The following TMEM132D variants were observed in gnomAD, a reference collection of about 807,000 sequenced individuals.
TMEM132D encodes the protein mature OL transmembrane protein.
A neutral mutation model predicts 62.3 loss-of-function variants in TMEM132D; 21 were observed. The observed-to-expected ratio is 0.34, with a 90% confidence interval of 0.24 to 0.49. The LOEUF is 0.49. Among genes scored for constraint, TMEM132D ranks in the 20% least tolerant of loss-of-function variants. TMEM132D has a pLI of 0.99. For synonymous variants in TMEM132D, 621 were observed against 575.6 expected, an observed-to-expected ratio of 1.08 and a Z score of -1.13; for missense variants, 1,346 against 1,402.8, an observed-to-expected ratio of 0.96 and a Z score of 0.65.
rs990658380 is a variant in TMEM132D at position 129,732,028 on chromosome 12, C to T, written c.80-31330G>A. Among the ~76,000 whole-genome samples the T allele has an allele frequency of 3.9e-5, 6 of 152,046 alleles. 1 individual carries two copies. Among genetic ancestry groups the T allele is most frequent in the Admixed American group, 6.6e-5 (1 of 15,250 alleles). ...CAGCCCCATGGGTTTTCAGATGCTA[C>T]CATCGAGTGTAGGCCGGCCTTAGTG... is the stretch of plus-strand genomic sequence containing the variant. On this transcript the variant is annotated intron_variant, in intron 1 of 8. Transcript: ENST00000422113.
intron 4 of TMEM132D, among the ~76,000 whole-genome samples, chr12:129,289,087 G>T (rs1186647373): frequency 1.3e-5 from 2 of 152,106 alleles, no homozygotes; most frequent in African/African-American, 4.8e-5. Flanking sequence ...AACGGTGGGT[G>T]CCAGGGATGG....
intron 3 of TMEM132D, among the ~76,000 whole-genome samples, chr12:129,529,883 G>A (rs567142538): frequency 8.2e-4 from 125 of 152,296 alleles, no homozygotes; most frequent in African/African-American, 2.9e-3. Context: ...GTACAGATGT[G>A]TTTCAATTTG....
chr12:129,176,766 A>C (rs1877919180), intron 5 of TMEM132D, among the ~76,000 whole-genome samples: 1 of 152,228 alleles, frequency 6.6e-6, no homozygotes. Flanking sequence ...ATCACTTATC[A>C]CAGGTGGGAG....
chr12:129,146,647 C>T (rs1161607062), intron 5 of TMEM132D, among the ~76,000 whole-genome samples: 1 of 152,188 alleles, frequency 6.6e-6, no homozygotes, highest in Admixed American at 6.5e-5. Context: ...TTTCCCTCAG[C>T]ATACTATGTT....
At chr12:129,775,733 C>A (rs1417412362) in intron 1 of TMEM132D, among the ~76,000 whole-genome samples, 1 of 152,194 alleles carries the variant, frequency 6.6e-6, no homozygotes, top group Non-Finnish European at 1.5e-5. Context: ...TCCTGCCTCC[C>A]AGGCCCCTCC....
chr12:129,509,769 T>C (rs1166696898), intron 3 of TMEM132D, among the ~76,000 whole-genome samples: 1 of 152,130 alleles, frequency 6.6e-6, no homozygotes, highest in Non-Finnish European at 1.5e-5. Context: ...CAATAATCTC[T>C]AGTTCCATCC....
intron 2 of TMEM132D, among the ~76,000 whole-genome samples, chr12:129,597,479 G>GGTAA: frequency 6.6e-6 from 1 of 152,240 alleles, no homozygotes; most frequent in Admixed American, 6.5e-5. Context: ...TGATTATAAA[G>GGTAA]GTAAGTGTTC....
rs145293523 is a variant in TMEM132D at position 129,439,558 on chromosome 12, T to C, written c.1115+91501A>G. Among the ~76,000 whole-genome samples the C allele has an allele frequency of 1.1e-3, 171 of 152,266 alleles. 4 individuals are homozygous for C. The East Asian group carries it at 0.027, about 24-fold the overall frequency. On this transcript the variant is annotated intron_variant, in intron 3 of 8. Transcript: ENST00000422113. ...TCCCCCTCCTGGGTTCAAGTGATTC[T>C]CCTGCCTCAGCCTTCTAAGTAGCTG...
chr12:129,633,391 A>G (rs1424042734), intron 2 of TMEM132D, among the ~76,000 whole-genome samples: 3 of 152,222 alleles, frequency 2.0e-5, no homozygotes, highest in Non-Finnish European at 2.9e-5. Context: ...TCCCGGCCAT[A>G]GTAGGTAGAA....
At chr12:129,346,300 C>A (rs1416733659) in intron 3 of TMEM132D, among the ~76,000 whole-genome samples, 1 of 151,896 alleles carries the variant, frequency 6.6e-6, no homozygotes, top group African/African-American at 2.4e-5. Flanking sequence ...TTTATCATTT[C>A]TTATTTTGTC....
At chr12:129,166,728 CATATATATATAT>C (rs200074780) in intron 5 of TMEM132D, among the ~76,000 whole-genome samples, 6 of 146,372 alleles carry the variant, frequency 4.1e-5, no homozygotes, top group South Asian at 2.2e-4. Context: ...CACACACACA[CATATATATATAT>C]ACACATATAC....
intron 3 of TMEM132D, among the ~76,000 whole-genome samples, chr12:129,400,452 C>T (rs749135632): frequency 1.3e-5 from 2 of 152,006 alleles, no homozygotes; most frequent in African/African-American, 2.4e-5. Context: ...TTTCTGTCTC[C>T]AGTGATAAGT....
chr12:129,611,468 T>C (rs1190680893), intron 2 of TMEM132D, among the ~76,000 whole-genome samples: 9 of 152,188 alleles, frequency 5.9e-5, no homozygotes, highest in Admixed American at 5.9e-4. Flanking sequence ...TTGTGGATAT[T>C]TTTCCCAGTT....
At chr12:129,256,072 T>C (rs952177622) in intron 4 of TMEM132D, among the ~76,000 whole-genome samples, 7 of 152,164 alleles carry the variant, frequency 4.6e-5, no homozygotes, top group African/African-American at 1.7e-4. Flanking sequence ...GGGGCTTGAC[T>C]TGTACTACTG....
At chr12:129,732,061 T>C (rs181569763) in intron 1 of TMEM132D, among the ~76,000 whole-genome samples, 10 of 152,170 alleles carry the variant, frequency 6.6e-5, no homozygotes, top group Admixed American at 6.5e-4. Context: ...GTGGCTTGCT[T>C]CTAATTCGTA....
intron 1 of TMEM132D, among the ~76,000 whole-genome samples, chr12:129,716,285 T>C (rs916413108): frequency 1.3e-5 from 2 of 152,174 alleles, no homozygotes; most frequent in Non-Finnish European, 2.9e-5. Flanking sequence ...GAGTCCCCGA[T>C]GATGGATCAG....
At chr12:129,613,049 TC>T (rs1238108722) in intron 2 of TMEM132D, among the ~76,000 whole-genome samples, 1 of 152,222 alleles carries the variant, frequency 6.6e-6, no homozygotes, top group African/African-American at 2.4e-5. Flanking sequence ...GCCCATCTGT[TC>T]TATTTAATAA....
rs60371391 is a variant in TMEM132D at position 129,661,290 on chromosome 12, T to C, written c.968+38520A>G. 4.6e-5 allele frequency among the ~76,000 whole-genome samples: 7 copies of C among 152,346 alleles called. No individual in the cohort carries two copies. In the East Asian group the frequency reaches 1.2e-3, roughly 25 times the overall value. ...CGATCTCAGGGCTGTTACATTTTCA[T>C]GGAAGTGAGGCTGCAAATGGTAGTG... On this transcript the variant is annotated intron_variant, in intron 2 of 8. Coordinates refer to ENST00000422113, the MANE Select transcript of TMEM132D (RefSeq NM_133448.3).
intron 5 of TMEM132D, among the ~76,000 whole-genome samples, chr12:129,209,278 C>T (rs1322018915): frequency 6.6e-6 from 1 of 152,170 alleles, no homozygotes; most frequent in Non-Finnish European, 1.5e-5. Context: ...ATTCGGCGAA[C>T]ACAGAGTGTC....
Sources: allele counts gnomAD v4.1 joint callset (sites outside exome capture counted in the v4.1 genomes callset), GRCh38; gene constraint gnomAD v4.1.1; transcripts MANE v1.5; gene names NCBI Gene and HGNC (gene_info 2026-07-23, HGNC 2026-07-21).